The following NIM1K variants were observed in gnomAD, a reference collection of about 807,000 sequenced individuals.
The protein encoded by NIM1K is NIM1 serine/threonine protein kinase, also known as serine/threonine-protein kinase NIM1.
In NIM1K, 35 loss-of-function variants were observed where a neutral mutation model predicts 37.1. The ratio of observed to expected loss-of-function variants is 0.94; its 90% CI spans 0.72 to 1.25. The LOEUF is 1.25. Ranked by LOEUF, NIM1K falls within the 50% of genes most tolerant of loss-of-function variation. NIM1K has a pLI of 0.00. For missense variants in NIM1K, 564 were observed against 548.0 expected (o/e 1.03, Z -0.29); for synonymous variants, 234 against 206.6 (o/e 1.13, Z -1.14).
intron 1 of NIM1K, chr5:43,193,426 A>G (rs1751863017): frequency 7.1e-6 from 1 of 140,810 alleles, no homozygotes; most frequent in Non-Finnish European, 1.5e-5. Context: ...TCCTGAGTAC[A>G]GTAGACAAGA....
At chr5:43,249,944 C>G (rs1168407613) in intron 2 of NIM1K, among the ~76,000 whole-genome samples, 1 of 150,524 alleles carries the variant, frequency 6.6e-6, no homozygotes, top group African/African-American at 2.5e-5. Context: ...GCTCTGCCTC[C>G]TGGGTTCATG....
intron 2 of NIM1K, 29 bp from the exon 3 acceptor site, chr5:43,277,028 G>A: frequency 6.2e-7 from 1 of 1,609,642 alleles, no homozygotes; most frequent in Non-Finnish European, 8.5e-7. Flanking sequence ...TGTGAATTCT[G>A]GCACAATTTT....
intron 1 of NIM1K, among the ~76,000 whole-genome samples, chr5:43,202,139 A>G (rs1231203911): frequency 6.6e-6 from 1 of 152,088 alleles, no homozygotes; most frequent in Non-Finnish European, 1.5e-5. Context: ...ATTTATGGTC[A>G]TTAATTTTTT....
Position 43,280,387 on chromosome 5 carries a change from A to C in NIM1K, c.969A>C (p.Glu323Asp). The change falls in exon 4 of 4, where the codon GAA becomes GAC. Residue 323 changes from glutamate (E) to aspartate (D), a missense_variant. Physicochemically the swap from Glu to Asp is conservative, Grantham distance 45. Coordinates refer to ENST00000326035, the MANE Select transcript of NIM1K (RefSeq NM_153361.4). ...GAATCGACTGCATCATGAATGATGA[A>C]TGGATGCAAGGGGTGCCATACCCTA... Reference protein sequence around the residue: ...RYGIDCIMNDEWMQGVPYPTP... With the variant: ...RYGIDCIMNDDWMQGVPYPTP... The C allele has an allele frequency of 1.2e-6, 2 of 1,614,140 alleles. No individual in the cohort carries two copies. The highest frequency in any genetic ancestry group is 1.7e-6 in the Non-Finnish European group (2 of 1,179,996).
rs547151247 is a variant in NIM1K, at chr5:43,223,660, CT to C, written c.-694-21421del. ...GTTAAATGATTACCATGGCAAAGAG[CT>C]GTTTTCTGCCTTTGAAAAATCAGCT... On this transcript the variant is annotated intron_variant, in intron 1 of 3. Coordinates refer to ENST00000326035, the MANE Select transcript of NIM1K (RefSeq NM_153361.4). 8.4e-4 allele frequency among the ~76,000 whole-genome samples: 128 copies of C among 152,284 alleles called. 1 individual carries two copies. The highest frequency in any genetic ancestry group is 3.4e-3 in the Middle Eastern group (1 of 294).
At chr5:43,276,736 G>A (rs1753347155) in intron 2 of NIM1K, among the ~76,000 whole-genome samples, 1 of 152,226 alleles carries the variant, frequency 6.6e-6, no homozygotes, top group Admixed American at 6.5e-5. Flanking sequence ...CAGGAATGAT[G>A]GACAGTGAGG....
intron 1 of NIM1K, among the ~76,000 whole-genome samples, chr5:43,230,019 T>C (rs1294247794): frequency 6.6e-6 from 1 of 152,154 alleles, no homozygotes; most frequent in Non-Finnish European, 1.5e-5. Flanking sequence ...CAGATACCAA[T>C]TACATATAAA....
At chr5:43,197,545 C>G (rs1216849947) in intron 1 of NIM1K, among the ~76,000 whole-genome samples, 2 of 152,126 alleles carry the variant, frequency 1.3e-5, no homozygotes, top group Non-Finnish European at 2.9e-5. Flanking sequence ...TGAAATGTAG[C>G]CAAATACTCC....
intron 1 of NIM1K, among the ~76,000 whole-genome samples, chr5:43,199,204 A>AAAAAAAAAAAAAAAAATATATAT (rs1200134957): frequency 1.1e-5 from 1 of 94,072 alleles, no homozygotes; most frequent in African/African-American, 3.9e-5. Flanking sequence ...AAAAAAAAAA[A>AAAAAAAAAAAAAAAAATATATAT]ATATATATAT....
At chr5:43,260,798 C>T (rs1579985275) in intron 2 of NIM1K, among the ~76,000 whole-genome samples, 1 of 151,746 alleles carries the variant, frequency 6.6e-6, no homozygotes, top group African/African-American at 2.4e-5. Context: ...GTGTGATGTT[C>T]CCCACCCTGT....
intron 2 of NIM1K, among the ~76,000 whole-genome samples, chr5:43,263,426 G>C (rs1228691148): frequency 6.6e-6 from 1 of 152,012 alleles, no homozygotes; most frequent in Non-Finnish European, 1.5e-5. Context: ...TCTGATGGTA[G>C]TTTGTATTTC....
At chr5:43,253,132 C>G (rs570609862) in intron 2 of NIM1K, among the ~76,000 whole-genome samples, 1 of 145,168 alleles carries the variant, frequency 6.9e-6, no homozygotes, top group African/African-American at 2.6e-5. Context: ...TGTGAGACAC[C>G]ATGACTGGCC....
Position 43,213,289 on chromosome 5 carries a change from C to CCTTTTCTTTT in NIM1K, c.-695+20926_-695+20935dup, listed in dbSNP as rs1172681240. ...TTTCTTTTTCTTTCTTGTTTCCTTT[C>CCTTTTCTTTT]CTTTTCTTTTCTTTTCTTTTCTTTT... On this transcript the variant is annotated intron_variant, in intron 1 of 3. Coordinates refer to ENST00000326035, the MANE Select transcript of NIM1K (RefSeq NM_153361.4). 2.6e-3 allele frequency among the ~76,000 whole-genome samples: 98 copies of CCTTTTCTTTT among 37,828 alleles called. 1 individual carries two copies. Among genetic ancestry groups the CCTTTTCTTTT allele is most frequent in the African/African-American group, 5.3e-3 (90 of 17,124 alleles). The allele number at this position is 37,828 out of a possible 152,430, so 24.8% of individuals were successfully genotyped here.
intron 2 of NIM1K, among the ~76,000 whole-genome samples, chr5:43,249,906 G>C (rs1752842970): frequency 7.3e-6 from 1 of 136,690 alleles, no homozygotes. Flanking sequence ...ACGCTGGAGT[G>C]TAGTGGTGTG....
intron 2 of NIM1K, among the ~76,000 whole-genome samples, chr5:43,251,295 A>T (rs1258451657): frequency 1.3e-5 from 2 of 152,230 alleles, no homozygotes; most frequent in African/African-American, 4.8e-5. Flanking sequence ...TCAATCTCAG[A>T]CTTTCTCTTT....
chr5:43,238,813 T>A (rs893880668), intron 1 of NIM1K, among the ~76,000 whole-genome samples: 14 of 151,624 alleles, frequency 9.2e-5, no homozygotes, highest in African/African-American at 3.4e-4. Context: ...TTTCCTCCAT[T>A]CTGGGAACCA....
chr5:43,203,851 C>A (rs1752068662), intron 1 of NIM1K, among the ~76,000 whole-genome samples: 1 of 151,662 alleles, frequency 6.6e-6, no homozygotes. Flanking sequence ...CATGGTGAAA[C>A]CCCGTCTCTA....
intron 1 of NIM1K, among the ~76,000 whole-genome samples, chr5:43,239,428 C>CG (rs1180359494): frequency 6.6e-6 from 1 of 151,776 alleles, no homozygotes; most frequent in Non-Finnish European, 1.5e-5. Flanking sequence ...TTAGTAGAGT[C>CG]TGGGTTTCAC....
intron 2 of NIM1K, among the ~76,000 whole-genome samples, chr5:43,248,478 C>A (rs1752816560): frequency 6.6e-6 from 1 of 151,950 alleles, no homozygotes; most frequent in Non-Finnish European, 1.5e-5. Flanking sequence ...GATGGTTCAG[C>A]CATAGGGAAG....
Sources: gnomAD v4.1 joint callset for allele counts (sites outside exome capture counted in the v4.1 genomes callset) on GRCh38, gnomAD v4.1.1 for gene constraint, MANE v1.5 for transcripts, NCBI Gene and HGNC (gene_info 2026-07-23, HGNC 2026-07-21) for gene names.